NRXN2: variants seen among roughly 807,000 people sequenced by gnomAD.
NRXN2 encodes the protein neurexin 2.
Under a neutral mutation model 128.8 loss-of-function variants are expected in NRXN2, and 29 were observed. The observed-to-expected ratio is 0.23, with a 90% CI of 0.17 to 0.31. The LOEUF (loss-of-function observed/expected upper bound fraction) is 0.31. NRXN2 is among the 10% of genes least tolerant of loss of function. The pLI is 1.00. For missense variants in NRXN2, 1,881 were observed against 2,452.6 expected, an observed-to-expected ratio of 0.77 and a Z score of 4.92; for synonymous variants, 1,098 against 1,075.2, an observed-to-expected ratio of 1.02 and a Z score of -0.41.
chr11:64,651,718 C>G lies in NRXN2; in HGVS notation c.2537-82G>C. ...TGGGTTCCCAGGAGCCTCCCCTCCACAGGAGGGCCACCCATGAGTGACATC... is the reference window on the plus strand; with the variant it reads ...TGGGTTCCCAGGAGCCTCCCCTCCAGAGGAGGGCCACCCATGAGTGACATC... On this transcript the variant is annotated intron_variant, in intron 13 of 22. Coordinates refer to ENST00000265459, the MANE Select transcript of NRXN2 (RefSeq NM_015080.4). The surrounding 1 kb of genome is among the most constrained non-coding windows in gnomAD (Gnocchi z 5.9). 10 of 1,455,624 alleles carry G rather than the reference C, an allele frequency of 6.9e-6. No individual in the cohort carries two copies. The highest frequency in any genetic ancestry group is 1.4e-5 in the African/African-American group (1 of 72,126). 90.2% of individuals were successfully genotyped at this position (1,455,624 alleles called of 1,614,324 possible).
At chr11:64,702,971 TAAAAAAAAAAA>T (rs557268486) in intron 2 of NRXN2, among the ~76,000 whole-genome samples, 3 of 51,160 alleles carry the variant, frequency 5.9e-5, no homozygotes, top group South Asian at 6.6e-4. Flanking sequence ...CCCAGGTCTC[TAAAAAAAAAAA>T]AAAAAAAAAA....
chr11:64,670,347 G>A (rs2050466260), intron 7 of NRXN2, among the ~76,000 whole-genome samples: 1 of 152,086 alleles, frequency 6.6e-6, no homozygotes, highest in Admixed American at 6.6e-5. Context: ...GTAGGGGTCT[G>A]GGTAGAAGAG....
rs1255909330 is a variant in NRXN2, at chr11:64,630,406, C to T, written c.3753G>A (p.Pro1251=). ...CCGCGGGCCCGCGCCGCCTACCTGC[C>T]GGGTACCGCTCGTTGACCGGCCAGC... ...VDSWPVNERY[P]AGNFDNERLA... Residue 1251 remains proline, a synonymous_variant, in exon 19 of 23, where the codon CCG becomes CCA. Transcript: ENST00000265459. The surrounding 1 kb of genome is among the most constrained non-coding windows in gnomAD (Gnocchi z 4.6). 5.6e-6 allele frequency: 9 copies of T among 1,611,082 alleles called. No homozygotes were observed. Among genetic ancestry groups the T allele is most frequent in the Non-Finnish European group, 6.8e-6 (8 of 1,179,236 alleles).
rs1272456246 is a variant in NRXN2, at chr11:64,623,224, G to A, written c.3848-146C>T. The A allele has an allele frequency of 7.5e-7, 1 of 1,329,606 alleles. No homozygotes were observed. The highest frequency in any genetic ancestry group is 1.5e-5 in the African/African-American group (1 of 67,642). 82.4% of individuals were successfully genotyped at this position (1,329,606 alleles called of 1,614,324 possible). On this transcript the variant is annotated intron_variant, in intron 20 of 22. Coordinates refer to ENST00000265459, the MANE Select transcript of NRXN2 (RefSeq NM_015080.4). This position sits in a 1 kb window ranked among gnomAD's most constrained non-coding sequence, Gnocchi z 4.9. ...GGAGGAGGGGACGGGGAGAAATGAG[G>A]AAGGGGCAGAAAGCCAAAGGGAAAG... is the stretch of plus-strand genomic sequence containing the variant.
intron 2 of NRXN2, among the ~76,000 whole-genome samples, chr11:64,710,689 GGAAA>G (rs2056804615): frequency 6.6e-6 from 1 of 152,126 alleles, no homozygotes; most frequent in Admixed American, 6.5e-5. Flanking sequence ...TTAAGGTTCT[GGAAA>G]GAAAGAGTCC....
At chr11:64,701,518 CACTTGAGCCCAGGA>C (rs2055353238) in intron 2 of NRXN2, among the ~76,000 whole-genome samples, 1 of 152,152 alleles carries the variant, frequency 6.6e-6, no homozygotes, top group Non-Finnish European at 1.5e-5. Flanking sequence ...GTGGGAGGAT[CACTTGAGCCCAGGA>C]GTTTGAGACC....
intron 11 of NRXN2, among the ~76,000 whole-genome samples, chr11:64,658,412 G>A (rs536495497): frequency 6.6e-6 from 1 of 152,320 alleles, no homozygotes; most frequent in Admixed American, 6.5e-5. Flanking sequence ...TGACTAGAGT[G>A]TCTCCCAGCC....
intron 15 of NRXN2, among the ~76,000 whole-genome samples, chr11:64,649,915 G>C (rs947176652): frequency 6.6e-6 from 1 of 152,008 alleles, no homozygotes; most frequent in East Asian, 2.0e-4. Flanking sequence ...CTGCTTCAAT[G>C]ACCACTGAAG....
chr11:64,712,873 C>A (rs1298828824), intron 2 of NRXN2, 97 bp downstream of exon 2: 3 of 1,114,848 alleles, frequency 2.7e-6, no homozygotes, highest in East Asian at 2.9e-5. Context: ...GCCCAGCCCC[C>A]GTGCCTCAGG....
chr11:64,663,189 G>A (rs188656742), intron 9 of NRXN2, among the ~76,000 whole-genome samples: 1 of 152,126 alleles, frequency 6.6e-6, no homozygotes, highest in East Asian at 1.9e-4. Context: ...GGCCAACATG[G>A]TGAAACCCCA....
At chr11:64,664,462 G>T (rs1421527435) in intron 9 of NRXN2, among the ~76,000 whole-genome samples, 1 of 142,178 alleles carries the variant, frequency 7.0e-6, no homozygotes, top group East Asian at 2.1e-4. Context: ...TAGGCAACGA[G>T]AGCGAAACTC....
intron 9 of NRXN2, among the ~76,000 whole-genome samples, chr11:64,666,665 G>A (rs919170507): frequency 9.2e-5 from 14 of 151,918 alleles, no homozygotes; most frequent in Non-Finnish European, 1.8e-4. Flanking sequence ...CCAGGTTCAC[G>A]CCATTCTCCT....
At chr11:64,655,743 G>A (rs541971229) in intron 11 of NRXN2, among the ~76,000 whole-genome samples, 2 of 152,230 alleles carry the variant, frequency 1.3e-5, no homozygotes, top group South Asian at 4.2e-4. Flanking sequence ...CTCCAGTAGG[G>A]TTTGCAAGAG....
At chr11:64,687,232 G>A (rs1043058725) in intron 5 of NRXN2, among the ~76,000 whole-genome samples, 4 of 152,230 alleles carry the variant, frequency 2.6e-5, no homozygotes, top group East Asian at 3.9e-4. Flanking sequence ...GTGCATCCAG[G>A]GCCACCAGGA....
rs144957463 is a variant in NRXN2 at position 64,622,945 on chromosome 11, G to T, written c.3981C>A (p.Ser1327Arg). Reference sequence around the variant, plus strand: ...GACCCTCAGTCCGCACATTGGGGTCGCTCTCGGCGGCCAGCGCCAGCACCT... The same window carrying T: ...GACCCTCAGTCCGCACATTGGGGTCTCTCTCGGCGGCCAGCGCCAGCACCT... ...GLKVLALAAE[S>R]DPNVRTEGHL... The change falls in exon 21 of 23, where the codon AGC becomes AGA. Residue 1327 changes from serine to arginine, a missense_variant. This residue lies in a region of NRXN2 where 108 missense variants were observed against 165.2 expected (regional missense o/e 0.65). Coordinates refer to ENST00000265459, the MANE Select transcript of NRXN2 (RefSeq NM_015080.4). This position sits in a 1 kb window ranked among gnomAD's most constrained non-coding sequence, Gnocchi z 4.3. 1 of 1,613,064 alleles carries T rather than the reference G, an allele frequency of 6.2e-7. No homozygotes were observed. Among genetic ancestry groups the T allele is most frequent in the Non-Finnish European group, 8.5e-7 (1 of 1,179,686 alleles).
intron 2 of NRXN2, among the ~76,000 whole-genome samples, chr11:64,702,563 G>A (rs1194708600): frequency 6.6e-6 from 1 of 151,960 alleles, no homozygotes; most frequent in Non-Finnish European, 1.5e-5. Context: ...GATTAAGGGC[G>A]GTGCAAGATG....
intron 2 of NRXN2, among the ~76,000 whole-genome samples, chr11:64,709,032 A>C (rs986513689): frequency 6.6e-6 from 1 of 152,076 alleles, no homozygotes; most frequent in Non-Finnish European, 1.5e-5. Context: ...TCTCTACTAA[A>C]AATACAAAAA....
intron 17 of NRXN2, chr11:64,643,544 A>G (rs1312754840): frequency 7.7e-6 from 1 of 130,408 alleles, no homozygotes; most frequent in Non-Finnish European, 1.6e-5. Context: ...GAGGGCTGGA[A>G]GGGAGAGGGA....
Position 64,667,620 on chromosome 11 carries a change from C to G in NRXN2, c.1428G>C (p.Met476Ile). The G allele has an allele frequency of 6.2e-7, 1 of 1,614,234 alleles. No homozygotes were observed. The highest frequency in any genetic ancestry group is 8.5e-7 in the Non-Finnish European group (1 of 1,180,030). ...GGAATGACAAGTCCCCCTGCAGCTT[C>G]ATCTTGGGGTCCCCTTCCTTTGCCA... is the stretch of plus-strand genomic sequence containing the variant. ...SRLAKEGDPK[M>I]KLQGDLSFRC... The change falls in exon 9 of 23, where the codon ATG becomes ATC. Residue 476 changes from methionine (M) to isoleucine (I), a missense_variant. Coordinates refer to ENST00000265459, the MANE Select transcript of NRXN2 (RefSeq NM_015080.4). This position sits in a 1 kb window ranked among gnomAD's most constrained non-coding sequence, Gnocchi z 5.6.
Sources: allele counts gnomAD v4.1 joint callset (sites outside exome capture counted in the v4.1 genomes callset), GRCh38; gene constraint gnomAD v4.1.1; regional missense constraint gnomAD v4.1.1; non-coding constraint Gnocchi (gnomAD v3.1); transcripts MANE v1.5; gene names NCBI Gene and HGNC (gene_info 2026-07-23, HGNC 2026-07-21).